ADAMTS20: variants seen among roughly 807,000 people sequenced by gnomAD.
ADAMTS20 encodes A disintegrin and metalloproteinase with thrombospondin motifs 20.
ADAMTS20 carries 225 observed loss-of-function variants against 260.1 expected under a neutral mutation model. That is an observed-to-expected ratio of 0.87 (90% CI 0.78 to 0.97). The LOEUF (loss-of-function observed/expected upper bound fraction) is 0.97, where lower values mean the gene tolerates loss of function less well. ADAMTS20 is among the 50% of genes least tolerant of loss of function. The pLI is 0.00. For missense variants in ADAMTS20, 2,400 were observed against 2,337.7 expected, an observed-to-expected ratio of 1.03 and a Z score of -0.55; for synonymous variants, 802 against 769.5, an observed-to-expected ratio of 1.04 and a Z score of -0.70.
At chr12:43,362,561 A>G (rs1183159313) in intron 37 of ADAMTS20, among the ~76,000 whole-genome samples, 1 of 152,200 alleles carries the variant, frequency 6.6e-6, no homozygotes, top group East Asian at 1.9e-4. Flanking sequence ...TGATGTGAGG[A>G]GCCCATGGAC....
chr12:43,361,865 T>G (rs1360192317), intron 37 of ADAMTS20, among the ~76,000 whole-genome samples: 1 of 152,256 alleles, frequency 6.6e-6, no homozygotes, highest in Non-Finnish European at 1.5e-5. Context: ...TTAATTCCAT[T>G]TGACAGTTAT....
rs1463080726 is a variant in ADAMTS20 at position 43,375,432 on chromosome 12, C to A, written c.5393G>T (p.Gly1798Val). 12 of 1,613,520 alleles carry A rather than the reference C, an allele frequency of 7.4e-6. No individual in the cohort carries two copies. In the East Asian group the frequency reaches 2.2e-4, roughly 30 times the overall value. ...TCTTATTTTGCTGAAAACAGTGTATCCAGCAGCTAAGTGTCCATTGTCACA... is the reference window on the plus strand; with the variant it reads ...TCTTATTTTGCTGAAAACAGTGTATACAGCAGCTAAGTGTCCATTGTCACA... Reference protein sequence around the residue: ...CECDNGHLAAGYTVFSKIRID... With the variant: ...CECDNGHLAAVYTVFSKIRID... Residue 1798 changes from glycine (G) to valine (V), a missense_variant, in exon 36 of 39, where the codon GGA becomes GTA. Gly to Val is a moderately radical substitution (Grantham distance 109). Coordinates refer to ENST00000389420, the MANE Select transcript of ADAMTS20 (RefSeq NM_025003.5).
Position 43,421,282 on chromosome 12 carries a change from C to CACAAA in ADAMTS20, c.4284+4231_4284+4232insTTTGT, listed in dbSNP as rs368419833. 9.4e-3 allele frequency among the ~76,000 whole-genome samples: 1,118 copies of CACAAA among 118,862 alleles called. 14 individuals are homozygous for CACAAA. Among genetic ancestry groups the CACAAA allele is most frequent in the Middle Eastern group, 0.023 (5 of 216 alleles). The allele number at this position is 118,862 out of a possible 152,430, so 78.0% of individuals were successfully genotyped here. A position where few individuals can be genotyped will look rare whatever the true frequency, so the allele number is the denominator to read the frequency against. On this transcript the variant is annotated intron_variant, in intron 28 of 38. Transcript: ENST00000389420. ...GGTTCAAGTAGCAAGCTTTCATTTA[C>CACAAA]AAAAAAAAAAAAAAAACTTTCTCTT...
intron 2 of ADAMTS20, among the ~76,000 whole-genome samples, chr12:43,540,769 C>T (rs1440777425): frequency 6.6e-6 from 1 of 152,144 alleles, no homozygotes; most frequent in African/African-American, 2.4e-5. Context: ...CACTTTCTTT[C>T]AATGACTATT....
At chr12:43,365,195 C>T (rs979595379) in intron 37 of ADAMTS20, among the ~76,000 whole-genome samples, 1 of 151,926 alleles carries the variant, frequency 6.6e-6, no homozygotes, top group African/African-American at 2.4e-5. Flanking sequence ...AAAGACACTC[C>T]TAGATAAACA....
chr12:43,422,526 T>C (rs973732619), intron 28 of ADAMTS20, among the ~76,000 whole-genome samples: 1 of 152,184 alleles, frequency 6.6e-6, no homozygotes, highest in South Asian at 2.1e-4. Context: ...CAAATAAATA[T>C]GCTTCATATA....
chr12:43,518,208 A>T (rs1943024276), intron 3 of ADAMTS20, among the ~76,000 whole-genome samples: 1 of 152,132 alleles, frequency 6.6e-6, no homozygotes, highest in Non-Finnish European at 1.5e-5. Context: ...CTCCTTTATG[A>T]TACCTAAGTT....
At chr12:43,521,371 A>G (rs1943069647) in intron 3 of ADAMTS20, among the ~76,000 whole-genome samples, 1 of 152,222 alleles carries the variant, frequency 6.6e-6, no homozygotes, top group Non-Finnish European at 1.5e-5. Flanking sequence ...AATTTTATTT[A>G]AAAGGCAGTT....
intron 28 of ADAMTS20, among the ~76,000 whole-genome samples, chr12:43,419,877 T>C (rs1418992925): frequency 1.3e-5 from 2 of 152,132 alleles, no homozygotes; most frequent in Non-Finnish European, 2.9e-5. Flanking sequence ...GAACATCATA[T>C]CTAGGACAAA....
chr12:43,471,140 G>A (rs1024923305), intron 7 of ADAMTS20, among the ~76,000 whole-genome samples: 2 of 152,150 alleles, frequency 1.3e-5, no homozygotes, highest in Non-Finnish European at 2.9e-5. Flanking sequence ...CACCGTGCGA[G>A]AGCCGAAGCA....
chr12:43,428,679 A>T lies in ADAMTS20; in HGVS notation c.3610T>A (p.Cys1204Ser), dbSNP rs1211043715. Residue 1204 changes from cysteine (C) to serine (S), a missense_variant, in exon 25 of 39, where the codon TGT (cysteine) becomes AGT (serine). Transcript: ENST00000389420. ...HLPRPAEIWD[C>S]FTPCGEWQAG... ...TGCCACTCTCCACAAGGGGTAAAAC[A>T]GTCCCATATTTCAGCAGGTCGGGGT... 1.2e-6 allele frequency: 2 copies of T among 1,610,764 alleles called. No individual in the cohort carries two copies. The highest frequency in any genetic ancestry group is 1.1e-5 in the South Asian group (1 of 90,716).
intron 15 of ADAMTS20, 135 bp from the exon 16 acceptor site, chr12:43,444,018 G>A (rs1941716295): frequency 1.4e-5 from 9 of 641,198 alleles, no homozygotes; most frequent in Non-Finnish European, 2.4e-5. Context: ...TTACACAGTG[G>A]TTATTCTTTT....
intron 3 of ADAMTS20, among the ~76,000 whole-genome samples, chr12:43,506,686 G>T (rs1181852957): frequency 6.6e-6 from 1 of 151,578 alleles, no homozygotes; most frequent in Non-Finnish European, 1.5e-5. Context: ...CACCATGTTG[G>T]TCAGGCTGGT....
chr12:43,522,265 A>G (rs1040000687), intron 3 of ADAMTS20, among the ~76,000 whole-genome samples: 7 of 152,156 alleles, frequency 4.6e-5, no homozygotes, highest in African/African-American at 1.7e-4. Context: ...ATCAGTTCTC[A>G]TGAGACCCAC....
At chr12:43,460,815 G>A (rs1054253039) in intron 11 of ADAMTS20, among the ~76,000 whole-genome samples, 9 of 150,860 alleles carry the variant, frequency 6.0e-5, no homozygotes, top group African/African-American at 1.5e-4. Flanking sequence ...AACAAAAGAC[G>A]CCTGTCCCAT....
rs777849031 is a variant in ADAMTS20 at position 43,376,040 on chromosome 12, C to A, written c.5312+17G>T. ...GGACCATGAAAATGCTCAGATAGAC[C>A]AAAACACATCTCGTACCTAAAGCCA... On this transcript the variant is annotated intron_variant, in intron 35 of 38. Coordinates refer to ENST00000389420, the MANE Select transcript of ADAMTS20 (RefSeq NM_025003.5). 11 of 1,579,410 alleles carry A rather than the reference C, an allele frequency of 7.0e-6. No homozygotes were observed. Among genetic ancestry groups the A allele is most frequent in the Admixed American group, 1.9e-5 (1 of 53,530 alleles).
intron 3 of ADAMTS20, among the ~76,000 whole-genome samples, chr12:43,523,816 G>A (rs1180346878): frequency 6.6e-6 from 1 of 151,998 alleles, no homozygotes; most frequent in Non-Finnish European, 1.5e-5. Flanking sequence ...GTCAGAGCAA[G>A]GACTTGCCTG....
intron 7 of ADAMTS20, among the ~76,000 whole-genome samples, chr12:43,477,199 C>G (rs1241273367): frequency 1.3e-5 from 2 of 151,850 alleles, no homozygotes; most frequent in African/African-American, 4.8e-5. Flanking sequence ...GCTATAAAAC[C>G]ATAATTGGGG....
chr12:43,458,659 AAAACTTCTAAT>A (rs1472514142), intron 11 of ADAMTS20, among the ~76,000 whole-genome samples: 3 of 152,202 alleles, frequency 2.0e-5, no homozygotes, highest in Admixed American at 2.0e-4. Context: ...CTCCTACTAT[AAAACTTCTAAT>A]CAGCTTCCTG....
Sources: gnomAD v4.1 joint callset for allele counts (sites outside exome capture counted in the v4.1 genomes callset) on GRCh38, gnomAD v4.1.1 for gene constraint, MANE v1.5 for transcripts, NCBI Gene and HGNC (gene_info 2026-07-23, HGNC 2026-07-21) for gene names.